KNTC1: variants seen among roughly 807,000 people sequenced by gnomAD.
KNTC1 encodes kinetochore associated 1, also known as kinetochore-associated protein 1.
In KNTC1, 253 loss-of-function variants were observed where a neutral mutation model predicts 314.4. The ratio of observed to expected loss-of-function variants is 0.80; its 90% CI spans 0.73 to 0.89. The LOEUF (loss-of-function observed/expected upper bound fraction) is 0.89, where lower values mean the gene tolerates loss of function less well. Ranked by LOEUF, KNTC1 falls within the 40% of genes least tolerant of loss-of-function variation. The pLI is 0.00. For missense variants in KNTC1, 2,475 were observed against 2,572.9 expected, an observed-to-expected ratio of 0.96 and a Z score of 0.82; for synonymous variants, 901 against 901.4, an observed-to-expected ratio of 1.00 and a Z score of 0.01.
intron 30 of KNTC1, 62 bp downstream of exon 30, chr12:122,577,091 T>C: frequency 7.5e-7 from 1 of 1,333,118 alleles, no homozygotes; most frequent in Non-Finnish European, 9.9e-7. Context: ...TTGTTGTTGT[T>C]TTTTGAGACA....
intron 20 of KNTC1, among the ~76,000 whole-genome samples, chr12:122,565,984 G>A (rs964150639): frequency 7.2e-6 from 1 of 139,620 alleles, no homozygotes; most frequent in Non-Finnish European, 1.5e-5. Context: ...ACAGAGTCTA[G>A]GAGTGTGGAG....
intron 18 of KNTC1, among the ~76,000 whole-genome samples, chr12:122,558,428 T>G (rs1012474482): frequency 6.6e-6 from 1 of 151,814 alleles, no homozygotes; most frequent in African/African-American, 2.4e-5. Context: ...GTCACGCGCC[T>G]GTAGTCTCAA....
At chr12:122,541,029 C>G (rs6489071) in intron 5 of KNTC1, among the ~76,000 whole-genome samples, 117,527 of 151,728 alleles carry the variant, frequency 0.77, 45,972 homozygotes, top group African/African-American at 0.87. Flanking sequence ...AAATTAGCCA[C>G]ATGTGTTGGT....
intron 2 of KNTC1, 137 bp downstream of exon 2, chr12:122,530,329 G>C: frequency 1.4e-6 from 1 of 716,680 alleles, no homozygotes. Context: ...CAGATTGCTA[G>C]AAATTCACGT....
In KNTC1 at chr12:122,563,891, G is replaced by A. The variant is rs7969201; in HGVS notation, c.1604+1192G>A. The A allele has an allele frequency of 0.01, 12,857 of 1,266,802 alleles. 1,034 individuals are homozygous for A. The African/African-American group carries it at 0.18, about 18-fold the overall frequency. The allele number at this position is 1,266,802 out of a possible 1,614,324, so 78.5% of individuals were successfully genotyped here. ...GTTTGAAAGGAAGAAAAAACAGCTG[G>A]TATTTGCAAAGGGCAGTGTGGCCTT... On this transcript the variant is annotated intron_variant, in intron 20 of 63. Transcript: ENST00000333479.
intron 34 of KNTC1, 134 bp from the exon 35 acceptor site, chr12:122,584,144 A>G: frequency 4.3e-6 from 3 of 696,274 alleles, no homozygotes; most frequent in Admixed American, 5.3e-5. Flanking sequence ...AAGAAAAACT[A>G]CACTATATAC....
At chr12:122,543,670 AT>A in intron 7 of KNTC1, 36 bp downstream of exon 7, 1 of 1,269,612 alleles carries the variant, frequency 7.9e-7, no homozygotes, top group Non-Finnish European at 1.1e-6. Context: ...TCTTAAAAAA[AT>A]TACATTTAAT....
At chr12:122,567,518 G>T (rs969881832) in intron 20 of KNTC1, among the ~76,000 whole-genome samples, 3 of 150,896 alleles carry the variant, frequency 2.0e-5, no homozygotes, top group African/African-American at 7.3e-5. Context: ...TTTTTTCCTC[G>T]TCAAATTCAT....
At position 122,613,772 on chromosome 12, in the gene KNTC1, C is replaced by T. The variant is rs764103712; in HGVS notation, c.5877+11C>T. On this transcript the variant is annotated intron_variant, in intron 55 of 63. Transcript: ENST00000333479. Reference sequence around the variant, plus strand: ...AGCCACGAGTCCATGGTAGGTACACCTCACTGCCCCATTCCCAATTCCCTG... The same window carrying T: ...AGCCACGAGTCCATGGTAGGTACACTTCACTGCCCCATTCCCAATTCCCTG... 5 of 1,582,038 alleles carry T rather than the reference C, an allele frequency of 3.2e-6. No individual in the cohort carries two copies. The East Asian group carries it at 9.1e-5, about 29-fold the overall frequency.
At chr12:122,607,116 G>A (rs751233697) in intron 51 of KNTC1, among the ~76,000 whole-genome samples, 6 of 151,964 alleles carry the variant, frequency 3.9e-5, no homozygotes, top group Non-Finnish European at 8.8e-5. Context: ...CAGGCTGGAG[G>A]GCAGTGGTAC....
At chr12:122,548,025 G>A in intron 12 of KNTC1, 56 bp downstream of exon 12, 1 of 1,101,152 alleles carries the variant, frequency 9.1e-7, no homozygotes, top group South Asian at 1.5e-5. Context: ...AAAAGCATTA[G>A]TGAATACAAA....
intron 4 of KNTC1, 67 bp downstream of exon 4, chr12:122,538,521 T>G: frequency 1.2e-6 from 1 of 859,474 alleles, no homozygotes; most frequent in Non-Finnish European, 1.8e-6. Flanking sequence ...CAACTAAAAC[T>G]CTAGCAAACT....
Position 122,538,416 on chromosome 12 carries a change from C to G in KNTC1, c.328C>G (p.Leu110Val), listed in dbSNP as rs539288713. ...LVGERSGNLH[L>V]IHVTSKQTLL... The stretch of plus-strand genomic sequence containing the variant: ...TGGCGAGAGAAGTGGCAACCTACAT[C>G]TTATTCATGTAACATCAAAACAAAC... Residue 110 changes from leucine (L) to valine (V), a missense_variant, in exon 4 of 64, where the codon CTT (leucine) becomes GTT (valine). Coordinates refer to ENST00000333479, the MANE Select transcript of KNTC1 (RefSeq NM_014708.6). The G allele has an allele frequency of 6.2e-7, 1 of 1,602,654 alleles. No individual in the cohort carries two copies. Among genetic ancestry groups the G allele is most frequent in the Admixed American group, 1.7e-5 (1 of 58,716 alleles).
chr12:122,543,066 C>T (rs1053881912), intron 6 of KNTC1, among the ~76,000 whole-genome samples: 21 of 152,058 alleles, frequency 1.4e-4, no homozygotes, highest in South Asian at 6.2e-4. Context: ...GTGCGCACCA[C>T]CACACCTGGC....
At chr12:122,614,813 G>A (rs1439682542) in intron 55 of KNTC1, among the ~76,000 whole-genome samples, 178 bp from the exon 56 acceptor site, 1 of 151,950 alleles carries the variant, frequency 6.6e-6, no homozygotes, top group African/African-American at 2.4e-5. Context: ...CCCAGGAGGT[G>A]GAGGTTGTGG....
intron 53 of KNTC1, chr12:122,612,866 A>G (rs1208938351): frequency 2.2e-6 from 1 of 453,594 alleles, no homozygotes; most frequent in Non-Finnish European, 3.9e-6. Flanking sequence ...GTAAAGGCAA[A>G]TAACATCTTA....
intron 62 of KNTC1, 92 bp downstream of exon 62, chr12:122,622,699 A>G: frequency 3.7e-6 from 4 of 1,086,396 alleles, no homozygotes; most frequent in Non-Finnish European, 1.3e-6. Flanking sequence ...CTGTAATCCT[A>G]GCACTTTGGG....
At chr12:122,592,807 T>A (rs964540429) in intron 42 of KNTC1, 1 of 151,490 alleles carries the variant, frequency 6.6e-6, no homozygotes, top group African/African-American at 2.4e-5. Flanking sequence ...GCTGCCCGAG[T>A]CAGCACTGGC....
In KNTC1 at chr12:122,597,787, A is replaced by G. The variant is rs775902142; in HGVS notation, c.4412A>G (p.His1471Arg). ...VLQLFIETLL[H>R]NTNAGQGQGD... ...CAGCTCTTCATTGAAACGCTGCTCC[A>G]CAACACAAATGCCGGCCAAGGCCAG... Residue 1471 changes from histidine to arginine, a missense_variant, in exon 44 of 64, where the codon CAC (histidine) becomes CGC (arginine). By Grantham distance (29) the His-to-Arg change is conservative (BLOSUM62 0). Coordinates refer to ENST00000333479, the MANE Select transcript of KNTC1 (RefSeq NM_014708.6). The G allele has an allele frequency of 1.2e-6, 2 of 1,614,022 alleles. No homozygotes were observed. The highest frequency in any genetic ancestry group is 1.7e-5 in the Admixed American group (1 of 60,028).
Sources: allele counts gnomAD v4.1 joint callset (sites outside exome capture counted in the v4.1 genomes callset), GRCh38; gene constraint gnomAD v4.1.1; transcripts MANE v1.5; gene names NCBI Gene and HGNC (gene_info 2026-07-23, HGNC 2026-07-21).